TAX1BP1: variants seen among roughly 807,000 people sequenced by gnomAD.
The protein encoded by TAX1BP1 is Tax1 binding protein 1, also known as tax1-binding protein 1.
TAX1BP1 carries 62 observed loss-of-function variants against 97.7 expected under a neutral mutation model. The observed-to-expected ratio is 0.63, with a 90% confidence interval of 0.52 to 0.78. The LOEUF is 0.78. TAX1BP1 is among the 30% of genes least tolerant of loss of function. The pLI, the probability that TAX1BP1 is intolerant of heterozygous loss-of-function variation, is 0.00. For missense variants in TAX1BP1, 867 were observed against 916.1 expected, an observed-to-expected ratio of 0.95 and a Z score of 0.69; for synonymous variants, 340 against 304.2, an observed-to-expected ratio of 1.12 and a Z score of -1.23.
At chr7:27,770,219 G>A (rs1788793182) in intron 5 of TAX1BP1, among the ~76,000 whole-genome samples, 1 of 152,032 alleles carries the variant, frequency 6.6e-6, no homozygotes, top group African/African-American at 2.4e-5. Flanking sequence ...GCATAATTTG[G>A]TGAAATAAGA....
rs771711440 is a variant in TAX1BP1 at position 27,769,847 on chromosome 7, T to G, written c.612+13T>G. The G allele has an allele frequency of 6.2e-7, 1 of 1,610,314 alleles. No homozygotes were observed. The highest frequency in any genetic ancestry group is 1.3e-5 in the African/African-American group (1 of 74,892). On this transcript the variant is annotated intron_variant, in intron 5 of 16. Transcript: ENST00000396319. ...AGCAGAACAAAAGGTTAGTTGTGTC[T>G]TATGTAACTGATTGAAGTTGATAGT...
intron 15 of TAX1BP1, among the ~76,000 whole-genome samples, chr7:27,820,875 T>C (rs537232597): frequency 5.9e-5 from 9 of 152,224 alleles, no homozygotes; most frequent in Non-Finnish European, 8.8e-5. Context: ...TCCAAAATGC[T>C]TGGGACCAGA....
chr7:27,817,258 T>G lies in TAX1BP1; in HGVS notation c.2085+220T>G, dbSNP rs17155879. On this transcript the variant is annotated intron_variant, in intron 15 of 16. Transcript: ENST00000396319. Reference sequence around the variant, plus strand: ...CTACCAGTATGCTTCAGACTTATACTTTAGGATTTATATACTAAAGTAAAA... The same window carrying G: ...CTACCAGTATGCTTCAGACTTATACGTTAGGATTTATATACTAAAGTAAAA... Among the ~76,000 whole-genome samples, 1,255 of 152,340 alleles carry G rather than the reference T, an allele frequency of 8.2e-3. 14 individuals are homozygous for G. The highest frequency in any genetic ancestry group is 0.027 in the African/African-American group (1,137 of 41,578).
chr7:27,745,209 AGAG>A (rs1378518253), intron 1 of TAX1BP1, among the ~76,000 whole-genome samples: 3 of 151,922 alleles, frequency 2.0e-5, no homozygotes, highest in African/African-American at 7.3e-5. Context: ...TCTCCAACTG[AGAG>A]GAGGTTTGTA....
intron 3 of TAX1BP1, among the ~76,000 whole-genome samples, chr7:27,763,126 T>C (rs1043007985): frequency 6.6e-6 from 1 of 152,222 alleles, no homozygotes; most frequent in African/African-American, 2.4e-5. Flanking sequence ...ATTAGAGTTA[T>C]AGAAGGGCTT....
chr7:27,798,663 CAAAAAAA>C (rs34078205), intron 12 of TAX1BP1, among the ~76,000 whole-genome samples: 1 of 72,284 alleles, frequency 1.4e-5, no homozygotes, highest in Admixed American at 1.7e-4. Flanking sequence ...GACTCTGTCT[CAAAAAAA>C]AAAAAAAAAA....
At chr7:27,778,641 G>C (rs1789125626) in intron 5 of TAX1BP1, among the ~76,000 whole-genome samples, 1 of 152,010 alleles carries the variant, frequency 6.6e-6, no homozygotes, top group African/African-American at 2.4e-5. Flanking sequence ...GAGGTGGGTG[G>C]ATCACAAGGT....
intron 13 of TAX1BP1, among the ~76,000 whole-genome samples, chr7:27,814,413 A>T (rs2128324345): frequency 6.6e-6 from 1 of 152,198 alleles, no homozygotes. Context: ...ACAAAAGCCT[A>T]CTGGGATTTT....
chr7:27,773,266 T>C (rs1027593088), intron 5 of TAX1BP1, among the ~76,000 whole-genome samples: 3 of 152,080 alleles, frequency 2.0e-5, no homozygotes, highest in Non-Finnish European at 4.4e-5. Context: ...GCTGATCTAA[T>C]TGATTATTTT....
intron 5 of TAX1BP1, among the ~76,000 whole-genome samples, chr7:27,779,271 T>C (rs1240665276): frequency 6.6e-6 from 1 of 152,192 alleles, no homozygotes; most frequent in Non-Finnish European, 1.5e-5. Context: ...ACTACAGGTG[T>C]GCACCACTGT....
intron 5 of TAX1BP1, among the ~76,000 whole-genome samples, chr7:27,775,750 T>C (rs1789008114): frequency 1.3e-5 from 2 of 152,196 alleles, no homozygotes; most frequent in African/African-American, 4.8e-5. Context: ...GGGTTAGGTC[T>C]GTCAGGAAGG....
At chr7:27,815,123 C>T (rs1052106171) in intron 13 of TAX1BP1, among the ~76,000 whole-genome samples, 17 of 152,088 alleles carry the variant, frequency 1.1e-4, no homozygotes, top group Admixed American at 2.0e-4. Context: ...TTCTTCCTTT[C>T]CAGTCTACCT....
At chr7:27,747,588 T>C (rs1185731859) in intron 1 of TAX1BP1, among the ~76,000 whole-genome samples, 2 of 152,168 alleles carry the variant, frequency 1.3e-5, no homozygotes, top group Non-Finnish European at 2.9e-5. Context: ...GAAGAACAAA[T>C]AGGCTGAGCC....
At chr7:27,794,858 C>A (rs1789862545) in intron 11 of TAX1BP1, among the ~76,000 whole-genome samples, 1 of 151,912 alleles carries the variant, frequency 6.6e-6, no homozygotes, top group South Asian at 2.1e-4. Flanking sequence ...CCCTATTATT[C>A]TCATATTTTT....
chr7:27,771,742 G>A (rs1788856933), intron 5 of TAX1BP1, among the ~76,000 whole-genome samples: 1 of 152,036 alleles, frequency 6.6e-6, no homozygotes, highest in Non-Finnish European at 1.5e-5. Flanking sequence ...TCTTGGAGGA[G>A]ACTGCTTCTC....
At chr7:27,810,579 A>G (rs1212576732) in intron 13 of TAX1BP1, among the ~76,000 whole-genome samples, 1 of 152,038 alleles carries the variant, frequency 6.6e-6, no homozygotes, top group Non-Finnish European at 1.5e-5. Flanking sequence ...CCGTGTTGTT[A>G]TTGTTAAAAA....
At chr7:27,741,188 C>T (rs1411062071) in intron 1 of TAX1BP1, among the ~76,000 whole-genome samples, 1 of 152,234 alleles carries the variant, frequency 6.6e-6, no homozygotes, top group Non-Finnish European at 1.5e-5. Flanking sequence ...CAGCTGTCTG[C>T]ATTCTGCTAA....
At chr7:27,778,404 C>T (rs553316606) in intron 5 of TAX1BP1, among the ~76,000 whole-genome samples, 5 of 151,832 alleles carry the variant, frequency 3.3e-5, no homozygotes, top group East Asian at 1.9e-4. Flanking sequence ...CTTTATATTA[C>T]GTAGTTTAAC....
intron 2 of TAX1BP1, among the ~76,000 whole-genome samples, chr7:27,756,021 G>A (rs1788197913): frequency 6.6e-6 from 1 of 152,182 alleles, no homozygotes; most frequent in African/African-American, 2.4e-5. Context: ...AGTGTGTCCT[G>A]TAGCATTGAG....
Sources: gnomAD v4.1 joint callset for allele counts (sites outside exome capture counted in the v4.1 genomes callset) on GRCh38, gnomAD v4.1.1 for gene constraint, MANE v1.5 for transcripts, NCBI Gene and HGNC (gene_info 2026-07-23, HGNC 2026-07-21) for gene names.